Variants in RBFOX1 observed in about 807,000 individuals in gnomAD.
RBFOX1 encodes the protein RNA binding protein fox-1 homolog 1.
In RBFOX1, 8 loss-of-function variants were observed where a neutral mutation model predicts 57.7. The observed-to-expected ratio is 0.14, with a 90% CI of 0.08 to 0.25. The LOEUF (loss-of-function observed/expected upper bound fraction) is 0.25, where lower values mean the gene tolerates loss of function less well. Among genes scored for constraint, RBFOX1 ranks in the 10% least tolerant of loss-of-function variants. The pLI is 1.00. For missense variants in RBFOX1, 611 were observed against 548.5 expected, an observed-to-expected ratio of 1.11 and a Z score of -1.14; for synonymous variants, 326 against 222.4, an observed-to-expected ratio of 1.47 and a Z score of -4.15.
chr16:6,636,900 A>G (rs1209246590), intron 2 of RBFOX1, among the ~76,000 whole-genome samples: 2 of 132,890 alleles, frequency 1.5e-5, no homozygotes, highest in South Asian at 2.2e-4. Flanking sequence ...GTTTAAATAT[A>G]TGTATAAACA....
At chr16:5,834,410 A>C (rs554222572) in intron 3 of RBFOX1, among the ~76,000 whole-genome samples, 1 of 152,168 alleles carries the variant, frequency 6.6e-6, no homozygotes, top group Admixed American at 6.5e-5. Flanking sequence ...GTTCCATCCA[A>C]GTTGATGCAA....
chr16:6,505,681 A>G (rs997912399), intron 2 of RBFOX1, among the ~76,000 whole-genome samples: 1 of 152,232 alleles, frequency 6.6e-6, no homozygotes, highest in Non-Finnish European at 1.5e-5. Context: ...GATGTACATG[A>G]TACATTCAAA....
At chr16:5,327,464 C>T (rs914640509) in intron 1 of RBFOX1, among the ~76,000 whole-genome samples, 1 of 152,198 alleles carries the variant, frequency 6.6e-6, no homozygotes, top group African/African-American at 2.4e-5. Flanking sequence ...AAACTGGGTC[C>T]AATTAAAAGC....
At chr16:6,647,061 T>C (rs1010475077) in intron 2 of RBFOX1, among the ~76,000 whole-genome samples, 1 of 152,130 alleles carries the variant, frequency 6.6e-6, no homozygotes, top group African/African-American at 2.4e-5. Flanking sequence ...TGTGTCTGGA[T>C]ATTCAAGATC....
intron 1 of RBFOX1, among the ~76,000 whole-genome samples, chr16:6,150,493 C>T (rs1013145011): frequency 1.6e-4 from 24 of 152,220 alleles, no homozygotes; most frequent in African/African-American, 5.5e-4. Context: ...AAAATTAGTG[C>T]CTATGTTGAC....
chr16:5,563,379 C>G (rs1263855397), intron 2 of RBFOX1, among the ~76,000 whole-genome samples: 1 of 152,208 alleles, frequency 6.6e-6, no homozygotes, highest in Non-Finnish European at 1.5e-5. Context: ...GTCACATATC[C>G]TCATCTTTGC....
intron 1 of RBFOX1, among the ~76,000 whole-genome samples, chr16:6,225,424 A>C (rs1472485282): frequency 6.6e-6 from 1 of 152,184 alleles, no homozygotes; most frequent in East Asian, 1.9e-4. Context: ...TAATTGAATC[A>C]AGATCAACCC....
intron 3 of RBFOX1, among the ~76,000 whole-genome samples, chr16:6,789,096 C>T (rs748480269): frequency 6.6e-6 from 1 of 152,060 alleles, no homozygotes; most frequent in Non-Finnish European, 1.5e-5. Context: ...TATTAAACAG[C>T]CTCCCTGAAT....
intron 1 of RBFOX1, among the ~76,000 whole-genome samples, chr16:5,444,811 G>A (rs920401958): frequency 1.3e-5 from 2 of 151,992 alleles, no homozygotes; most frequent in Non-Finnish European, 2.9e-5. Flanking sequence ...GTATTAGGTT[G>A]AACTGTATGA....
At chr16:5,273,501 C>G (rs1157286933) in intron 1 of RBFOX1, among the ~76,000 whole-genome samples, 2 of 152,192 alleles carry the variant, frequency 1.3e-5, no homozygotes, top group African/African-American at 4.8e-5. Flanking sequence ...CATCACCTCC[C>G]TGAAGAGGGC....
At chr16:6,441,531 C>G (rs1046424519) in intron 2 of RBFOX1, among the ~76,000 whole-genome samples, 1 of 152,138 alleles carries the variant, frequency 6.6e-6, no homozygotes, top group Non-Finnish European at 1.5e-5. Context: ...ATTCTCCTGC[C>G]TCAGCCTCCC....
intron 4 of RBFOX1, among the ~76,000 whole-genome samples, chr16:7,171,172 C>T (rs1173944451): frequency 1.3e-5 from 2 of 152,182 alleles, no homozygotes; most frequent in Non-Finnish European, 2.9e-5. Context: ...CGGCAATTGG[C>T]GAGGAGCTGC....
chr16:6,997,752 G>A lies in RBFOX1; in HGVS notation c.-15-54305G>A, dbSNP rs1292577748. Among the ~76,000 whole-genome samples, 4 of 152,080 alleles carry A rather than the reference G, an allele frequency of 2.6e-5. No individual in the cohort carries two copies. In the East Asian group the frequency reaches 7.7e-4, roughly 29 times the overall value. ...TGGAACTTAATTGAATATTAACTTT[G>A]TTGTTCTCACAACTACAGACTACTC... On this transcript the variant is annotated intron_variant, in intron 3 of 15. Coordinates refer to ENST00000550418, the MANE Select transcript of RBFOX1 (RefSeq NM_018723.4).
rs372576634 is a variant in RBFOX1 at position 6,916,487 on chromosome 16, G to GT, written c.-15-135557dup. ...TAACGAAATAAATAGCATTTTAGTT[G>GT]TTTTTTTTTTTTTAATTGTCATTCT... is the stretch of plus-strand genomic sequence containing the variant. On this transcript the variant is annotated intron_variant, in intron 3 of 15. Coordinates refer to ENST00000550418, the MANE Select transcript of RBFOX1 (RefSeq NM_018723.4). 3.1e-3 allele frequency among the ~76,000 whole-genome samples: 449 copies of GT among 142,688 alleles called. 1 individual carries two copies. The highest frequency in any genetic ancestry group is 7.1e-3 in the African/African-American group (277 of 39,132). 93.6% of individuals were successfully genotyped at this position (142,688 alleles called of 152,430 possible). A position where few individuals can be genotyped will look rare whatever the true frequency, so the allele number is the denominator to read the frequency against.
At chr16:7,242,501 C>A (rs2094116337) in intron 4 of RBFOX1, among the ~76,000 whole-genome samples, 1 of 152,170 alleles carries the variant, frequency 6.6e-6, no homozygotes, top group Non-Finnish European at 1.5e-5. Context: ...GTACCTCCCC[C>A]TGCATCCTCA....
chr16:6,534,630 C>T lies in RBFOX1; in HGVS notation c.-63-119973C>T, dbSNP rs77046613. ...ATTTACACTAATCGTCACAAGACCG[C>T]AATCTACCTTTTATATAAATGCAAT... On this transcript the variant is annotated intron_variant, in intron 2 of 15. Transcript: ENST00000550418. 9.6e-3 allele frequency among the ~76,000 whole-genome samples: 1,455 copies of T among 152,230 alleles called. 37 individuals carry two copies. Among genetic ancestry groups the T allele is most frequent in the South Asian group, 0.071 (342 of 4,816 alleles).
intron 3 of RBFOX1, among the ~76,000 whole-genome samples, chr16:6,862,638 A>T (rs766069050): frequency 2.6e-5 from 4 of 152,172 alleles, no homozygotes; most frequent in Non-Finnish European, 5.9e-5. Context: ...ACACAAATGG[A>T]AAATGAAAGT....
intron 12 of RBFOX1, among the ~76,000 whole-genome samples, chr16:7,656,863 G>A (rs1597426576): frequency 6.6e-6 from 1 of 152,160 alleles, no homozygotes; most frequent in South Asian, 2.1e-4. Flanking sequence ...GGTGTTTACA[G>A]AAGGCATCCC....
At chr16:6,521,657 C>T (rs1458565649) in intron 2 of RBFOX1, among the ~76,000 whole-genome samples, 1 of 151,998 alleles carries the variant, frequency 6.6e-6, no homozygotes, top group East Asian at 1.9e-4. Context: ...TGTAGGCTAG[C>T]TTAGGAATTC....
Sources: gnomAD v4.1 joint callset for allele counts (sites outside exome capture counted in the v4.1 genomes callset) on GRCh38, gnomAD v4.1.1 for gene constraint, MANE v1.5 for transcripts, NCBI Gene and HGNC (gene_info 2026-07-23, HGNC 2026-07-21) for gene names.